Variants in GRAMD1C observed in about 807,000 individuals in gnomAD.
GRAMD1C encodes the protein protein Aster-C.
In GRAMD1C, 89 loss-of-function variants were observed where a neutral mutation model predicts 97.8. The ratio of observed to expected loss-of-function variants is 0.91; its 90% CI spans 0.77 to 1.09. The LOEUF is 1.09. GRAMD1C is among the 50% of genes least tolerant of loss of function. GRAMD1C has a pLI of 0.00. For missense variants in GRAMD1C, 740 were observed against 766.4 expected (o/e 0.97, Z 0.41); for synonymous variants, 256 against 267.0 (o/e 0.96, Z 0.40).
chr3:113,916,231 C>T (rs1183745278), intron 10 of GRAMD1C, among the ~76,000 whole-genome samples: 1 of 152,172 alleles, frequency 6.6e-6, no homozygotes, highest in Admixed American at 6.5e-5. Flanking sequence ...TTCTCTGTGA[C>T]TCAGCAGTTC....
At chr3:113,845,560 G>A (rs187922969) in intron 2 of GRAMD1C, among the ~76,000 whole-genome samples, 4 of 151,920 alleles carry the variant, frequency 2.6e-5, no homozygotes, top group East Asian at 1.9e-4. Flanking sequence ...TTAGCCAGGC[G>A]TGGTGGCACA....
chr3:113,917,999 G>A (rs1402285588), intron 10 of GRAMD1C, among the ~76,000 whole-genome samples: 1 of 151,432 alleles, frequency 6.6e-6, no homozygotes, highest in East Asian at 1.9e-4. Flanking sequence ...CACTGTGCCT[G>A]GCCTAGACAT....
intron 1 of GRAMD1C, among the ~76,000 whole-genome samples, chr3:113,843,888 G>A (rs1313235187): frequency 6.6e-6 from 1 of 152,218 alleles, no homozygotes; most frequent in Non-Finnish European, 1.5e-5. Flanking sequence ...GACTCTATGT[G>A]TATATTAAAT....
chr3:113,849,153 TATTG>T (rs1479551297), intron 2 of GRAMD1C, among the ~76,000 whole-genome samples: 1 of 152,104 alleles, frequency 6.6e-6, no homozygotes, highest in Non-Finnish European at 1.5e-5. Flanking sequence ...AGTAAGCAAC[TATTG>T]GGAGTAGAAA....
intron 9 of GRAMD1C, among the ~76,000 whole-genome samples, chr3:113,913,429 CAAAAAAAA>C (rs765510213): frequency 2.9e-4 from 20 of 68,298 alleles, no homozygotes; most frequent in African/African-American, 8.1e-4. Flanking sequence ...ACTCTGTCTC[CAAAAAAAA>C]AAAAAAAAAA....
intron 13 of GRAMD1C, among the ~76,000 whole-genome samples, chr3:113,935,098 A>G (rs979753088): frequency 2.6e-5 from 4 of 152,176 alleles, no homozygotes; most frequent in Non-Finnish European, 4.4e-5. Context: ...ATAAAGTTCT[A>G]TGTGCTTTAC....
At chr3:113,913,262 C>T (rs1936673624) in intron 9 of GRAMD1C, 7 of 403,716 alleles carry the variant, frequency 1.7e-5, no homozygotes, top group Admixed American at 3.2e-5. Flanking sequence ...TGGTGGCGCG[C>T]GCTTGTAATC....
At chr3:113,923,314 G>T (rs1419736204) in intron 10 of GRAMD1C, among the ~76,000 whole-genome samples, 1 of 152,184 alleles carries the variant, frequency 6.6e-6, no homozygotes, top group Non-Finnish European at 1.5e-5. Flanking sequence ...TTGAATAGAA[G>T]TGGTGAGAGC....
At chr3:113,892,843 T>G (rs1935791388) in intron 6 of GRAMD1C, among the ~76,000 whole-genome samples, 1 of 152,156 alleles carries the variant, frequency 6.6e-6, no homozygotes, top group Non-Finnish European at 1.5e-5. Flanking sequence ...TCAGCTCTTT[T>G]TTTTCATTTG....
At chr3:113,901,005 T>G (rs1936148146) in intron 6 of GRAMD1C, 26 bp from the exon 7 acceptor site, 4 of 1,075,414 alleles carry the variant, frequency 3.7e-6, no homozygotes, top group Middle Eastern at 2.0e-4. Flanking sequence ...TTTCCAATGC[T>G]CAGTGTAATT....
intron 17 of GRAMD1C, among the ~76,000 whole-genome samples, 161 bp from the exon 18 acceptor site, chr3:113,945,237 T>C (rs1429017746): frequency 6.6e-6 from 1 of 152,230 alleles, no homozygotes; most frequent in African/African-American, 2.4e-5. Flanking sequence ...TACTGATAGA[T>C]ACCCCAAAGA....
At chr3:113,838,261 T>C (rs144727908), upstream of GRAMD1C, among the ~76,000 whole-genome samples, 608 of 152,244 alleles carry the variant, frequency 4.0e-3, 22 homozygotes, top group East Asian at 0.088. Context: ...GTAACTTCAA[T>C]CCTTTATTGG....
At chr3:113,923,241 G>A (rs565807556) in intron 10 of GRAMD1C, among the ~76,000 whole-genome samples, 3 of 151,636 alleles carry the variant, frequency 2.0e-5, no homozygotes, top group East Asian at 3.9e-4. Context: ...TTGATTTCCT[G>A]TTTGGATGCC....
chr3:113,940,204 A>G (rs1413413332), intron 16 of GRAMD1C, 36 bp from the exon 17 acceptor site: 1 of 1,174,928 alleles, frequency 8.5e-7, no homozygotes, highest in Non-Finnish European at 1.3e-6. Context: ...ATCAGAAGCT[A>G]TTCTCCAGAT....
At chr3:113,855,562 G>C (rs944981065) in intron 2 of GRAMD1C, among the ~76,000 whole-genome samples, 1 of 151,584 alleles carries the variant, frequency 6.6e-6, no homozygotes, top group Non-Finnish European at 1.5e-5. Flanking sequence ...AAAATAAGCC[G>C]AGCATGGTGG....
rs965139567 is a variant in GRAMD1C, at chr3:113,883,848, A to C, written c.540+1016A>C. 6.9e-4 allele frequency among the ~76,000 whole-genome samples: 105 copies of C among 152,310 alleles called. 1 individual carries two copies. The highest frequency in any genetic ancestry group is 2.9e-4 in the Non-Finnish European group (20 of 68,020). Reference sequence around the variant, plus strand: ...AGAATTGAAGGGAAACTAACAATTCAACAGTAAAACTTGGGACTGCGTGTG... The same window carrying C: ...AGAATTGAAGGGAAACTAACAATTCCACAGTAAAACTTGGGACTGCGTGTG... On this transcript the variant is annotated intron_variant, in intron 6 of 17. Coordinates refer to ENST00000358160, the MANE Select transcript of GRAMD1C (RefSeq NM_017577.5).
At chr3:113,890,025 GAC>G (rs1371359797) in intron 6 of GRAMD1C, among the ~76,000 whole-genome samples, 2 of 151,936 alleles carry the variant, frequency 1.3e-5, no homozygotes, top group African/African-American at 4.8e-5. Flanking sequence ...GAAGTGGACA[GAC>G]ACATTTTGGC....
intron 2 of GRAMD1C, 109 bp from the exon 3 acceptor site, chr3:113,869,398 A>G (rs1196302094): frequency 1.5e-5 from 10 of 681,996 alleles, no homozygotes; most frequent in Non-Finnish European, 2.3e-5. Flanking sequence ...ATATAAGGAC[A>G]TACAAAATAT....
At chr3:113,941,982 C>T (rs1481420078) in intron 17 of GRAMD1C, among the ~76,000 whole-genome samples, 1 of 150,332 alleles carries the variant, frequency 6.7e-6, no homozygotes, top group Non-Finnish European at 1.5e-5. Context: ...GTGGCATGAA[C>T]ACGGCTCACT....
Sources: allele counts gnomAD v4.1 joint callset (sites outside exome capture counted in the v4.1 genomes callset), GRCh38; gene constraint gnomAD v4.1.1; transcripts MANE v1.5; gene names NCBI Gene and HGNC (gene_info 2026-07-23, HGNC 2026-07-21).